Variants in COL5A2 observed in about 807,000 individuals in gnomAD.
COL5A2 encodes the protein collagen alpha-2(V) chain.
In COL5A2, 23 loss-of-function variants were observed where a neutral mutation model predicts 208.2. That is an observed-to-expected ratio of 0.11 (90% CI 0.08 to 0.16). The LOEUF (loss-of-function observed/expected upper bound fraction) is 0.16. COL5A2 is among the 10% of genes least tolerant of loss of function. The pLI, the probability that COL5A2 is intolerant of heterozygous loss-of-function variation, is 1.00. For missense variants in COL5A2, 1,590 were observed against 1,956.4 expected, an observed-to-expected ratio of 0.81 and a Z score of 3.53; for synonymous variants, 625 against 628.5, an observed-to-expected ratio of 0.99 and a Z score of 0.08.
At chr2:189,316,338 C>T in the COL5A2 span, among the ~76,000 whole-genome samples, 4 of 151,984 alleles carry the variant, frequency 2.6e-5, no homozygotes, top group Non-Finnish European at 5.9e-5. Context: ...GGCCATTATC[C>T]TTAGCATACT....
chr2:189,264,554 A>G, the COL5A2 span, among the ~76,000 whole-genome samples: 1 of 152,188 alleles, frequency 6.6e-6, no homozygotes, highest in African/African-American at 2.4e-5. Context: ...CATAAAGAAA[A>G]GCAAAGAGAC....
the COL5A2 span, among the ~76,000 whole-genome samples, chr2:189,326,932 G>A: frequency 1.3e-5 from 2 of 151,726 alleles, no homozygotes; most frequent in African/African-American, 2.4e-5. Flanking sequence ...TTAGCTGGAC[G>A]TGATGGCACA....
At chr2:189,313,676 G>T in the COL5A2 span, among the ~76,000 whole-genome samples, 1 of 152,162 alleles carries the variant, frequency 6.6e-6, no homozygotes, top group Non-Finnish European at 1.5e-5. Flanking sequence ...AGACTCATCA[G>T]TATGCTATCT....
the COL5A2 span, among the ~76,000 whole-genome samples, chr2:189,397,275 T>G: frequency 6.6e-6 from 1 of 152,200 alleles, no homozygotes; most frequent in South Asian, 2.1e-4. Context: ...AACAAACCTT[T>G]ATTGACTAAT....
At chr2:189,154,977 A>ATTAT (rs1326520232) in intron 1 of COL5A2, among the ~76,000 whole-genome samples, 3 of 152,014 alleles carry the variant, frequency 2.0e-5, no homozygotes, top group Non-Finnish European at 2.9e-5. Context: ...ATCCTGACAG[A>ATTAT]TTATTTATTT....
In COL5A2 at chr2:189,179,671, A is replaced by C; in HGVS notation, c.-67T>G. On this transcript the variant is annotated 5_prime_UTR_variant, in exon 1 of 54. An upstream start codon of the reference 5' UTR is lost. Transcript: ENST00000374866. ...TAGATTCTGAGGTTATTGTAGCACC[A>C]TGAAGTCAGCTGTGGGCTCTTCTTT... is the stretch of plus-strand genomic sequence containing the variant. The C allele has an allele frequency of 1.3e-6, 2 of 1,551,164 alleles. No homozygotes were observed. The highest frequency in any genetic ancestry group is 1.7e-6 in the Non-Finnish European group (2 of 1,148,506).
chr2:189,093,794 T>G (rs904483787), intron 6 of COL5A2, among the ~76,000 whole-genome samples: 8 of 152,228 alleles, frequency 5.3e-5, no homozygotes, highest in Non-Finnish European at 1.0e-4. Flanking sequence ...TCAATTGTTC[T>G]CTAGGACTCC....
intron 1 of COL5A2, among the ~76,000 whole-genome samples, chr2:189,200,943 G>T (rs566849193): frequency 6.6e-6 from 1 of 151,752 alleles, no homozygotes. Flanking sequence ...GTCCTTACTG[G>T]CAGTCCTGTA....
the COL5A2 span, among the ~76,000 whole-genome samples, chr2:189,375,000 G>A: frequency 3.3e-5 from 5 of 151,262 alleles, no homozygotes; most frequent in South Asian, 6.3e-4. Context: ...ATGTTAAATC[G>A]AATATTTATA....
At chr2:189,411,027 T>C in the COL5A2 span, among the ~76,000 whole-genome samples, 1 of 152,146 alleles carries the variant, frequency 6.6e-6, no homozygotes, top group Non-Finnish European at 1.5e-5. Flanking sequence ...CCTCCATGTG[T>C]CTCTAAGAAA....
the COL5A2 span, among the ~76,000 whole-genome samples, chr2:189,407,858 A>G: frequency 3.3e-5 from 5 of 152,204 alleles, no homozygotes; most frequent in Non-Finnish European, 7.4e-5. Flanking sequence ...TAGTCAGGAA[A>G]TGAGAATTTC....
At chr2:189,417,854 G>GCA in the COL5A2 span, among the ~76,000 whole-genome samples, 60 of 151,184 alleles carry the variant, frequency 4.0e-4, no homozygotes, top group Non-Finnish European at 6.2e-4. Flanking sequence ...ATATATATAT[G>GCA]CACACACACA....
chr2:189,215,816 A>T (rs956648089), intron 1 of COL5A2, among the ~76,000 whole-genome samples: 8 of 152,180 alleles, frequency 5.3e-5, no homozygotes, highest in Admixed American at 4.6e-4. Context: ...ATTCTAAATT[A>T]AAAAACTAGC....
the COL5A2 span, among the ~76,000 whole-genome samples, chr2:189,323,327 G>T: frequency 6.6e-6 from 1 of 152,136 alleles, no homozygotes; most frequent in East Asian, 1.9e-4. Context: ...CCAAGGCAAT[G>T]AGGCAGGAGA....
At chr2:189,436,582 G>A in the COL5A2 span, among the ~76,000 whole-genome samples, 1 of 152,092 alleles carries the variant, frequency 6.6e-6, no homozygotes, top group African/African-American at 2.4e-5. Flanking sequence ...TTAAAATACT[G>A]AAGACGTGGA....
chr2:189,427,720 C>T, the COL5A2 span, among the ~76,000 whole-genome samples: 26 of 152,284 alleles, frequency 1.7e-4, no homozygotes, highest in African/African-American at 5.3e-4. Flanking sequence ...GACAAGGAGT[C>T]GAAATACATT....
rs746903441 is a variant in COL5A2 at position 189,137,575 on chromosome 2, A to G, written c.98-27126T>C. On this transcript the variant is annotated intron_variant, in intron 1 of 53. Coordinates refer to ENST00000374866, the MANE Select transcript of COL5A2 (RefSeq NM_000393.5). ...CACTTAGAGGAAAATGCTTTTTCTTATCTTATTAATTTGTTAGCCATGGAT... is the reference window on the plus strand; with the variant it reads ...CACTTAGAGGAAAATGCTTTTTCTTGTCTTATTAATTTGTTAGCCATGGAT... 2.0e-5 allele frequency among the ~76,000 whole-genome samples: 3 copies of G among 152,196 alleles called. 1 individual carries two copies. Among genetic ancestry groups the G allele is most frequent in the Admixed American group, 1.3e-4 (2 of 15,270 alleles).
the COL5A2 span, among the ~76,000 whole-genome samples, chr2:189,251,134 A>T: frequency 6.6e-6 from 1 of 152,198 alleles, no homozygotes; most frequent in Non-Finnish European, 1.5e-5. Context: ...GCATGGCTCT[A>T]CACAATAAAA....
chr2:189,220,775 C>G (rs1217274416), intron 1 of COL5A2, among the ~76,000 whole-genome samples: 2 of 152,194 alleles, frequency 1.3e-5, no homozygotes. Context: ...AGTATCATTT[C>G]TGATGTACTG....
Sources: allele counts gnomAD v4.1 joint callset (sites outside exome capture counted in the v4.1 genomes callset), GRCh38; gene constraint gnomAD v4.1.1; transcripts MANE v1.5; gene names NCBI Gene and HGNC (gene_info 2026-07-23, HGNC 2026-07-21).